The following PTGS2 variants were observed in gnomAD, a reference collection of about 807,000 sequenced individuals.
The protein encoded by PTGS2 is prostaglandin-endoperoxide synthase 2.
PTGS2 carries 14 observed loss-of-function variants against 63.8 expected under a neutral mutation model. The observed-to-expected ratio is 0.22, with a 90% CI of 0.14 to 0.34. The LOEUF is 0.34. PTGS2 is among the 10% of genes least tolerant of loss of function. The probability of loss-of-function intolerance (pLI) is 1.00; values close to 1 mark genes in which losing one functional copy is unlikely to be tolerated. For missense variants in PTGS2, 533 were observed against 738.5 expected, an observed-to-expected ratio of 0.72 and a Z score of 3.23; for synonymous variants, 271 against 259.5, an observed-to-expected ratio of 1.04 and a Z score of -0.43.
intron 4 of PTGS2, among the ~76,000 whole-genome samples, 160 bp downstream of exon 4, chr1:186,678,101 T>C (rs1345405388): frequency 2.6e-5 from 4 of 152,240 alleles, no homozygotes; most frequent in African/African-American, 9.6e-5. Context: ...TAATAGTTTA[T>C]ATAGACTCAT....
At chr1:186,677,466 A>G (rs1665801676) in intron 5 of PTGS2, among the ~76,000 whole-genome samples, 183 bp downstream of exon 5, 1 of 152,174 alleles carries the variant, frequency 6.6e-6, no homozygotes, top group Non-Finnish European at 1.5e-5. Context: ...GTGTGTGTGT[A>G]TAATTTTACT....
In PTGS2 at chr1:186,676,167, C is replaced by G; in HGVS notation, c.988G>C (p.Val330Leu). The change falls in exon 8 of 10, where the codon GTG becomes CTG. Residue 330 changes from valine (V) to leucine (L), a missense_variant. Val to Leu is a conservative substitution (Grantham distance 32). Transcript: ENST00000367468. ...AAGTGTTGCACATAATCTTCAATCA[C>G]AATCTTAATAGTCTCTCCTATTTGC... is the stretch of plus-strand genomic sequence containing the variant. The part of the protein sequence containing the change: ...LILIGETIKI[V>L]IEDYVQHLSG... The G allele has an allele frequency of 6.2e-7, 1 of 1,612,024 alleles. No individual in the cohort carries two copies. The highest frequency in any genetic ancestry group is 8.5e-7 in the Non-Finnish European group (1 of 1,178,364).
intron 6 of PTGS2, 49 bp from the exon 7 acceptor site, chr1:186,676,762 A>G (rs1158773277): frequency 6.3e-7 from 1 of 1,597,562 alleles, no homozygotes; most frequent in East Asian, 2.2e-5. Context: ...GTTAAGGAAC[A>G]CATTTTTAGG....
intron 5 of PTGS2, among the ~76,000 whole-genome samples, chr1:186,677,211 A>G (rs1665797304): frequency 6.6e-6 from 1 of 152,142 alleles, no homozygotes; most frequent in Non-Finnish European, 1.5e-5. Flanking sequence ...ATAAAAATGT[A>G]TTATTTATAA....
chr1:186,674,749 C>T lies in PTGS2; in HGVS notation c.1419G>A (p.Met473Ile), dbSNP rs1665749664. 1.2e-6 allele frequency: 2 copies of T among 1,606,640 alleles called. No individual in the cohort carries two copies. The highest frequency in any genetic ancestry group is 1.1e-5 in the South Asian group (1 of 89,974). The part of the protein sequence containing the change: ...SFEELTGEKE[M>I]SAELEALYGD... ...CATAGAGTGCTTCCAACTCTGCAGA[C>T]ATTTCCTTTTCTCCTGTGAAGGCGA... Residue 473 changes from methionine to isoleucine, a missense_variant, in exon 10 of 10, where the codon ATG becomes ATA. Met to Ile is a conservative substitution (Grantham distance 10). Coordinates refer to ENST00000367468, the MANE Select transcript of PTGS2 (RefSeq NM_000963.4).
At chr1:186,677,540 A>C in intron 5 of PTGS2, 109 bp downstream of exon 5, 5 of 1,176,218 alleles carry the variant, frequency 4.3e-6, no homozygotes, top group Non-Finnish European at 5.7e-6. Flanking sequence ...TTTTTAAAAA[A>C]AGTGGATAAG....
chr1:186,674,825 T>G, intron 9 of PTGS2, 63 bp from the exon 10 acceptor site: 6 of 1,500,070 alleles, frequency 4.0e-6, no homozygotes, highest in Non-Finnish European at 5.4e-6. Flanking sequence ...AAAAACAGTT[T>G]GATTCTTTTG....
At chr1:186,679,547 T>C (rs544907311) in intron 1 of PTGS2, 109 bp from the exon 2 acceptor site, 6 of 820,560 alleles carry the variant, frequency 7.3e-6, no homozygotes, top group East Asian at 2.7e-5. Flanking sequence ...TCAAGAAATA[T>C]ATAGGTAGTC....
At chr1:186,675,206 A>G in intron 9 of PTGS2, 43 bp downstream of exon 9, 3 of 1,596,834 alleles carry the variant, frequency 1.9e-6, no homozygotes, top group Non-Finnish European at 1.7e-6. Flanking sequence ...ACAAAAACAA[A>G]CAAACAAACA....
At chr1:186,679,279 A>G (rs764972348) in intron 2 of PTGS2, 43 bp downstream of exon 2, 2 of 1,613,224 alleles carry the variant, frequency 1.2e-6, no homozygotes, top group Non-Finnish European at 8.5e-7. Flanking sequence ...TGATAACTGT[A>G]TCCAGCCCCA....
chr1:186,674,979 C>T (rs959611933), intron 9 of PTGS2, among the ~76,000 whole-genome samples: 1 of 152,184 alleles, frequency 6.6e-6, no homozygotes, highest in African/African-American at 2.4e-5. Context: ...GAGTTTGAGA[C>T]CAGCCTGGCT....
Position 186,675,910 on chromosome 1 carries a change from T to G in PTGS2, c.1245A>C (p.Gln415His). 3 of 1,610,072 alleles carry G rather than the reference T, an allele frequency of 1.9e-6. No individual in the cohort carries two copies. Among genetic ancestry groups the G allele is most frequent in the Non-Finnish European group, 2.5e-6 (3 of 1,176,780 alleles). ...ITQFVESFTRQIAGRVAGGRN... is the reference protein window; with the variant it reads ...ITQFVESFTRHIAGRVAGGRN... ...TAATAATGCTTACCCTGCCAGCAAT[T>G]TGCCTGGTGAATGATTCAACAAACT... Residue 415 changes from glutamine (Q) to histidine (H), a missense_variant, in exon 8 of 10, where the codon CAA becomes CAC. Gln to His is a conservative substitution (Grantham distance 24). Transcript: ENST00000367468.
intron 4 of PTGS2, 95 bp from the exon 5 acceptor site, chr1:186,677,925 G>C: frequency 8.2e-7 from 1 of 1,215,734 alleles, no homozygotes; most frequent in Non-Finnish European, 1.1e-6. Flanking sequence ...ATTTATATGA[G>C]AATTACAATT....
Position 186,679,181 on chromosome 1 carries a change from T to C in PTGS2, c.190A>G (p.Lys64Glu). 1 of 1,613,330 alleles carries C rather than the reference T, an allele frequency of 6.2e-7. No individual in the cohort carries two copies. The highest frequency in any genetic ancestry group is 8.5e-7 in the Non-Finnish European group (1 of 1,179,794). ...CSTPEFLTRI[K>E]LFLKPTPNTV... Reference sequence around the variant, plus strand: ...TTTGGAGTGGGTTTCAGAAATAATTTTATTCTTGTCAAAAATTCCGCTGCA... The same window carrying C: ...TTTGGAGTGGGTTTCAGAAATAATTCTATTCTTGTCAAAAATTCCGCTGCA... Residue 64 changes from lysine (K) to glutamate (E), a missense_variant, in exon 3 of 10, where the codon AAA becomes GAA. Lys to Glu is a moderately conservative substitution (Grantham distance 56, BLOSUM62 1). Transcript: ENST00000367468.
At chr1:186,675,834 C>T (rs1665769138) in intron 8 of PTGS2, 64 bp downstream of exon 8, 2 of 1,442,500 alleles carry the variant, frequency 1.4e-6, no homozygotes, top group Non-Finnish European at 1.9e-6. Context: ...AAAATAATTT[C>T]CGTGGCAGAA....
chr1:186,679,473 A>G, intron 1 of PTGS2, 35 bp from the exon 2 acceptor site: 1 of 1,434,788 alleles, frequency 7.0e-7, no homozygotes, highest in Non-Finnish European at 9.8e-7. Flanking sequence ...ATCATTCTCT[A>G]GTGTCTTAAT....
Position 186,677,831 on chromosome 1 carries a change from C to T in PTGS2, c.458-1G>A. Reference sequence around the variant, plus strand: ...TTTGAATCAGGAAGCTGCTTTTTACCTGAAAAATGAGAAAGCTAAGGTAAG... The same window carrying T: ...TTTGAATCAGGAAGCTGCTTTTTACTTGAAAAATGAGAAAGCTAAGGTAAG... On this transcript the variant is annotated splice_acceptor_variant, in intron 4 of 9. Coordinates refer to ENST00000367468, the MANE Select transcript of PTGS2 (RefSeq NM_000963.4). LOFTEE classifies it high-confidence loss of function. 2 of 1,612,152 alleles carry T rather than the reference C, an allele frequency of 1.2e-6. No homozygotes were observed. Among genetic ancestry groups the T allele is most frequent in the Non-Finnish European group, 1.7e-6 (2 of 1,179,382 alleles).
chr1:186,675,638 A>G lies in PTGS2; in HGVS notation c.1258-242T>C, dbSNP rs1012694458. On this transcript the variant is annotated intron_variant, in intron 8 of 9. Coordinates refer to ENST00000367468, the MANE Select transcript of PTGS2 (RefSeq NM_000963.4). ...TAACACTAGTATTCAAGCCTAAAAT[A>G]TTTATTCCTATAAGATTATAGATAC... The G allele has an allele frequency of 6.5e-6, 4 of 618,136 alleles. No individual in the cohort carries two copies. In the African/African-American group the frequency reaches 7.4e-5, roughly 11 times the overall value. 38.3% of individuals were successfully genotyped at this position (618,136 alleles called of 1,614,324 possible). A position where few individuals can be genotyped will look rare whatever the true frequency, so the allele number is the denominator to read the frequency against.
chr1:186,679,938 T>C (rs1457043531), intron 1 of PTGS2, among the ~76,000 whole-genome samples: 1 of 152,230 alleles, frequency 6.6e-6, no homozygotes, highest in Non-Finnish European at 1.5e-5. Context: ...TTCACATATA[T>C]TGATCAGATC....
Sources: gnomAD v4.1 joint callset for allele counts (sites outside exome capture counted in the v4.1 genomes callset) on GRCh38, gnomAD v4.1.1 for gene constraint, MANE v1.5 for transcripts, NCBI Gene and HGNC (gene_info 2026-07-23, HGNC 2026-07-21) for gene names.